DLG2: variants seen among roughly 807,000 people sequenced by gnomAD.
The protein encoded by DLG2 is disks large homolog 2.
Under a neutral mutation model 132.5 loss-of-function variants are expected in DLG2, and 45 were observed. That is an observed-to-expected ratio of 0.34 (90% CI 0.27 to 0.44). DLG2 has a LOEUF of 0.44. Ranked by LOEUF, DLG2 falls within the 20% of genes least tolerant of loss-of-function variation. DLG2 has a pLI of 1.00. For missense variants in DLG2, 1,045 were observed against 1,196.9 expected (o/e 0.87, Z 1.87); for synonymous variants, 424 against 419.6 (o/e 1.01, Z -0.13).
chr11:85,141,401 T>G (rs1230345806), intron 5 of DLG2, among the ~76,000 whole-genome samples: 2 of 151,936 alleles, frequency 1.3e-5, no homozygotes, highest in East Asian at 3.9e-4. Flanking sequence ...TTTGTCCATT[T>G]TAAAATCAGA....
intron 6 of DLG2, among the ~76,000 whole-genome samples, chr11:84,866,287 A>AAACAAC (rs200274947): frequency 6.6e-6 from 1 of 152,104 alleles, no homozygotes; most frequent in Non-Finnish European, 1.5e-5. Context: ...AAACCATTAA[A>AAACAAC]AACAACAACA....
At chr11:83,503,396 T>G (rs1177892157) in intron 21 of DLG2, among the ~76,000 whole-genome samples, 7 of 44,998 alleles carry the variant, frequency 1.6e-4, no homozygotes, top group African/African-American at 2.4e-4. Context: ...TATATATATA[T>G]ATATATATAT....
chr11:83,570,726 G>T (rs1231259552), intron 19 of DLG2, among the ~76,000 whole-genome samples: 2 of 152,066 alleles, frequency 1.3e-5, no homozygotes, highest in Non-Finnish European at 2.9e-5. Context: ...AGGGGAGGAG[G>T]AAGATTCATA....
chr11:84,214,451 A>T (rs1170614011), intron 8 of DLG2, among the ~76,000 whole-genome samples: 1 of 151,634 alleles, frequency 6.6e-6, no homozygotes, highest in African/African-American at 2.4e-5. Context: ...ATGTATAAAC[A>T]TATATGTCTG....
chr11:84,262,282 T>A (rs994531405), intron 7 of DLG2, among the ~76,000 whole-genome samples: 2 of 152,186 alleles, frequency 1.3e-5, no homozygotes, highest in African/African-American at 4.8e-5. Flanking sequence ...CTGGCAGTGT[T>A]ACTTGTTCTA....
intron 3 of DLG2, among the ~76,000 whole-genome samples, chr11:85,481,234 A>C (rs946005955): frequency 6.6e-6 from 1 of 152,220 alleles, no homozygotes; most frequent in Non-Finnish European, 1.5e-5. Context: ...TACGGGTAGA[A>C]TGGTATTTGA....
chr11:84,155,535 C>A (rs1431718079), intron 9 of DLG2, among the ~76,000 whole-genome samples: 1 of 151,528 alleles, frequency 6.6e-6, no homozygotes, highest in African/African-American at 2.4e-5. Context: ...GCCTGGTGAT[C>A]TAAAGGGTCT....
chr11:83,538,414 T>C (rs2141339925), intron 20 of DLG2, among the ~76,000 whole-genome samples: 1 of 152,318 alleles, frequency 6.6e-6, no homozygotes, highest in South Asian at 2.1e-4. Context: ...AGGCATGTGT[T>C]TGAATCTAGG....
intron 3 of DLG2, among the ~76,000 whole-genome samples, chr11:85,555,608 T>C (rs2076900144): frequency 6.6e-6 from 1 of 151,836 alleles, no homozygotes. Flanking sequence ...GAAACTTCTT[T>C]CCAAAAGATA....
chr11:85,388,953 C>T (rs1275764806), intron 3 of DLG2, among the ~76,000 whole-genome samples: 1 of 152,030 alleles, frequency 6.6e-6, no homozygotes, highest in African/African-American at 2.4e-5. Context: ...CTCTAATGCC[C>T]CCAAAAGATC....
intron 21 of DLG2, among the ~76,000 whole-genome samples, chr11:83,530,306 A>G (rs1237490265): frequency 6.6e-6 from 1 of 152,050 alleles, no homozygotes; most frequent in Non-Finnish European, 1.5e-5. Flanking sequence ...TGAATATTTT[A>G]GGGGAGGGTA....
At chr11:84,520,987 T>C (rs1259446979) in intron 7 of DLG2, among the ~76,000 whole-genome samples, 2 of 152,322 alleles carry the variant, frequency 1.3e-5, no homozygotes, top group Non-Finnish European at 2.9e-5. Context: ...CATAGAGAAA[T>C]AATAGCATTG....
chr11:84,916,305 C>T (rs374586584), intron 6 of DLG2, among the ~76,000 whole-genome samples: 7 of 126,634 alleles, frequency 5.5e-5, no homozygotes, highest in East Asian at 2.3e-4. Flanking sequence ...GCCGAGATTG[C>T]GCCACTGCAC....
At chr11:85,112,508 ATCTTT>A (rs537555565) in intron 5 of DLG2, among the ~76,000 whole-genome samples, 2 of 152,132 alleles carry the variant, frequency 1.3e-5, no homozygotes, top group South Asian at 4.1e-4. Context: ...GCCATACTTT[ATCTTT>A]TATTTTTTTC....
At chr11:84,522,251 C>T (rs2099305247) in intron 7 of DLG2, among the ~76,000 whole-genome samples, 1 of 151,806 alleles carries the variant, frequency 6.6e-6, no homozygotes, top group South Asian at 2.1e-4. Flanking sequence ...ACTAGAAAAT[C>T]TCTAAAGCAC....
chr11:85,299,933 TATA>T (rs754059345), intron 3 of DLG2, among the ~76,000 whole-genome samples: 1 of 152,240 alleles, frequency 6.6e-6, no homozygotes, highest in East Asian at 1.9e-4. Flanking sequence ...TCTTCTTTGC[TATA>T]ATATGTCCAA....
At chr11:84,286,340 T>C (rs1456150069) in intron 7 of DLG2, among the ~76,000 whole-genome samples, 4 of 152,142 alleles carry the variant, frequency 2.6e-5, no homozygotes, top group Non-Finnish European at 5.9e-5. Context: ...TCTCATGTAA[T>C]AGGAGTGCAA....
chr11:84,681,532 G>A (rs1468582288), intron 6 of DLG2, among the ~76,000 whole-genome samples: 2 of 152,136 alleles, frequency 1.3e-5, no homozygotes, highest in East Asian at 1.9e-4. Flanking sequence ...CTCACAATGT[G>A]TGGTTCCAAG....
chr11:85,134,818 T>C (rs973005481), intron 5 of DLG2, among the ~76,000 whole-genome samples: 7 of 152,062 alleles, frequency 4.6e-5, no homozygotes, highest in African/African-American at 1.7e-4. Context: ...CAATTTGATA[T>C]AAAAACCTTC....
Sources: gnomAD v4.1 joint callset for allele counts (sites outside exome capture counted in the v4.1 genomes callset) on GRCh38, gnomAD v4.1.1 for gene constraint, MANE v1.5 for transcripts, NCBI Gene and HGNC (gene_info 2026-07-23, HGNC 2026-07-21) for gene names.